Variants in NOX5 observed in about 807,000 individuals in gnomAD.
NOX5 encodes NADPH oxidase 5.
In NOX5, 76 loss-of-function variants were observed where a neutral mutation model predicts 85.7. The observed-to-expected ratio is 0.89, with a 90% CI of 0.74 to 1.07. NOX5 has a LOEUF of 1.07. Ranked by LOEUF, NOX5 falls within the 50% of genes least tolerant of loss-of-function variation. The probability of loss-of-function intolerance (pLI) is 0.00; values close to 1 mark genes in which losing one functional copy is unlikely to be tolerated. For synonymous variants in NOX5, 405 were observed against 401.4 expected (o/e 1.01, Z -0.11); for missense variants, 973 against 999.5 (o/e 0.97, Z 0.36).
At chr15:69,035,533 T>C in intron 6 of NOX5, 26 bp downstream of exon 6, 1 of 1,612,390 alleles carries the variant, frequency 6.2e-7, no homozygotes, top group African/African-American at 1.3e-5. Context: ...CAGGGTTGGG[T>C]CGGGGAGAAG....
chr15:69,030,348 T>G (rs551517801), intron 3 of NOX5: 1 of 152,308 alleles, frequency 6.6e-6, no homozygotes, highest in Admixed American at 6.5e-5. Flanking sequence ...TCTGAAAAGC[T>G]TTTCTTCAGC....
intron 1 of NOX5, chr15:69,023,528 A>C (rs1226335728): frequency 3.1e-6 from 1 of 325,662 alleles, no homozygotes; most frequent in African/African-American, 2.2e-5. Context: ...GTGTTTCAGC[A>C]GTGTGTCGGT....
At chr15:69,037,298 C>G in intron 8 of NOX5, 88 bp downstream of exon 8, 3 of 1,297,426 alleles carry the variant, frequency 2.3e-6, no homozygotes, top group South Asian at 2.9e-5. Context: ...CCTGTCAGAC[C>G]CCCAAGGAAA....
At chr15:69,036,010 A>G (rs1021211753) in intron 7 of NOX5, 74 bp downstream of exon 7, 3 of 1,583,380 alleles carry the variant, frequency 1.9e-6, no homozygotes, top group Middle Eastern at 1.7e-4. Context: ...GTCCCCTCTG[A>G]TTTACTCCAG....
intron 1 of NOX5, chr15:69,022,451 T>A: frequency 5.7e-6 from 1 of 174,956 alleles, no homozygotes; most frequent in South Asian, 1.5e-4. Flanking sequence ...CTGGCCTCAA[T>A]GCCATTCTGG....
rs545700150 is a variant in NOX5, at chr15:69,060,952, C to T, written c.*4256C>T. 4 of 152,276 alleles carry T rather than the reference C, an allele frequency of 2.6e-5. No homozygotes were observed. Among genetic ancestry groups the T allele is most frequent in the African/African-American group, 7.2e-5 (3 of 41,538 alleles). The allele number at this position is 152,276 out of a possible 1,614,324, so 9.4% of individuals were successfully genotyped here. A position where few individuals can be genotyped will look rare whatever the true frequency, so the allele number is the denominator to read the frequency against. Reference sequence around the variant, plus strand: ...CCTGATGCGTTTTCTTGCTGATGGCCGATGATGCCCAAATGCTAAGCAGTT... The same window carrying T: ...CCTGATGCGTTTTCTTGCTGATGGCTGATGATGCCCAAATGCTAAGCAGTT... On this transcript the variant is annotated 3_prime_UTR_variant, in exon 16 of 16. Coordinates refer to ENST00000388866, the MANE Select transcript of NOX5 (RefSeq NM_024505.4).
At chr15:69,026,487 G>C (rs763893620) in intron 1 of NOX5, 41 bp from the exon 2 acceptor site, 1 of 1,613,186 alleles carries the variant, frequency 6.2e-7, no homozygotes, top group Non-Finnish European at 8.5e-7. Flanking sequence ...ATAAGGCTTT[G>C]GCCACCCCAA....
chr15:69,044,925 A>T (rs2050642953), intron 10 of NOX5, among the ~76,000 whole-genome samples: 1 of 152,232 alleles, frequency 6.6e-6, no homozygotes, highest in African/African-American at 2.4e-5. Context: ...GCATCCAAGG[A>T]TGTCACTGGA....
chr15:69,017,845 A>G (rs994301510), intron 1 of NOX5, among the ~76,000 whole-genome samples: 8 of 152,126 alleles, frequency 5.3e-5, no homozygotes, highest in Non-Finnish European at 1.5e-5. Context: ...ACACATGCCT[A>G]TAAAGAGGTC....
At chr15:69,018,919 A>G (rs899001721) in intron 1 of NOX5, among the ~76,000 whole-genome samples, 8 of 152,050 alleles carry the variant, frequency 5.3e-5, no homozygotes, top group Admixed American at 2.0e-4. Flanking sequence ...CTGGAGTGCA[A>G]TGGTGTGATT....
At chr15:69,052,994 C>T (rs1376737149) in intron 14 of NOX5, among the ~76,000 whole-genome samples, 1 of 152,118 alleles carries the variant, frequency 6.6e-6, no homozygotes, top group Non-Finnish European at 1.5e-5. Context: ...AACAGCTAAC[C>T]CAGTGCTTTG....
rs1355689525 is a variant in NOX5 at position 69,026,559 on chromosome 15, C to G, written c.82C>G (p.Leu28Val). The G allele has an allele frequency of 6.2e-7, 1 of 1,614,072 alleles. No homozygotes were observed. The highest frequency in any genetic ancestry group is 1.3e-5 in the African/African-American group (1 of 74,930). The change falls in exon 2 of 16, where the codon CTC (leucine) becomes GTC (valine). Residue 28 changes from leucine to valine, a missense_variant. Coordinates refer to ENST00000388866, the MANE Select transcript of NOX5 (RefSeq NM_024505.4). ...TMSAEEDARW[L>V]RWVTQQFKTI... ...GAGTGCCGAGGAGGATGCCAGGTGG[C>G]TCCGGTGGGTGACTCAGCAGTTTAA...
intron 1 of NOX5, among the ~76,000 whole-genome samples, chr15:69,018,048 C>T (rs2050251990): frequency 6.6e-6 from 1 of 152,066 alleles, no homozygotes; most frequent in Admixed American, 6.6e-5. Flanking sequence ...TCTGGGGCTG[C>T]AGAGAATGTG....
intron 3 of NOX5, 44 bp downstream of exon 3, chr15:69,028,409 GGGCCTCAGTGAGAACT>G (rs750688054): frequency 8.6e-6 from 13 of 1,516,434 alleles, no homozygotes; most frequent in Non-Finnish European, 1.2e-5. Flanking sequence ...GGAGATCAGT[GGGCCTCAGTGAGAACT>G]GGCCATTTCA....
intron 14 of NOX5, among the ~76,000 whole-genome samples, chr15:69,055,002 T>C (rs972839066): frequency 2.0e-5 from 3 of 152,270 alleles, no homozygotes; most frequent in African/African-American, 4.8e-5. Flanking sequence ...GGCGGGTGGA[T>C]TGCTTGAGTT....
chr15:69,017,697 G>A (rs2050247802), intron 1 of NOX5, among the ~76,000 whole-genome samples: 1 of 151,954 alleles, frequency 6.6e-6, no homozygotes, highest in South Asian at 2.1e-4. Context: ...TGTGTCACAG[G>A]CCATTGGTCA....
Position 69,031,506 on chromosome 15 carries a change from C to T in NOX5, c.326-12C>T. 6.3e-7 allele frequency: 1 copy of T among 1,593,266 alleles called. No individual in the cohort carries two copies. The highest frequency in any genetic ancestry group is 8.6e-7 in the Non-Finnish European group (1 of 1,168,028). The stretch of plus-strand genomic sequence containing the variant: ...AGGTGGGTAAACAGAAGAGGCCCAC[C>T]ACTTCTTGCAGTGTGTGCACGGCAG... On this transcript the variant is annotated splice_polypyrimidine_tract_variant and intron_variant, in intron 3 of 15. Coordinates refer to ENST00000388866, the MANE Select transcript of NOX5 (RefSeq NM_024505.4).
At chr15:69,026,460 G>T (rs890894764) in intron 1 of NOX5, 68 bp from the exon 2 acceptor site, 2 of 1,604,828 alleles carry the variant, frequency 1.2e-6, no homozygotes, top group South Asian at 2.2e-5. Flanking sequence ...GAGGCCCTGG[G>T]ACCACCATGA....
chr15:69,035,660 T>C, intron 6 of NOX5, 98 bp from the exon 7 acceptor site: 1 of 1,563,722 alleles, frequency 6.4e-7, no homozygotes, highest in East Asian at 2.3e-5. Context: ...TTTCTGCCCG[T>C]GCTAGTATCT....
Sources: gnomAD v4.1 joint callset for allele counts (sites outside exome capture counted in the v4.1 genomes callset) on GRCh38, gnomAD v4.1.1 for gene constraint, MANE v1.5 for transcripts, NCBI Gene and HGNC (gene_info 2026-07-23, HGNC 2026-07-21) for gene names.